Variants in IQCM observed in about 807,000 individuals in gnomAD.
IQCM encodes the protein IQ domain-containing protein M.
IQCM carries 45 observed loss-of-function variants against 57.6 expected under a neutral mutation model. The observed-to-expected ratio is 0.78, with a 90% CI of 0.62 to 1.00. IQCM has a LOEUF of 1.00. IQCM is among the 50% of genes least tolerant of loss of function. The pLI, the probability that IQCM is intolerant of heterozygous loss-of-function variation, is 0.00. For missense variants in IQCM, 468 were observed against 511.6 expected (o/e 0.91, Z 0.82); for synonymous variants, 148 against 158.9 (o/e 0.93, Z 0.51).
At chr4:149,477,672 G>C (rs1278525650) in intron 12 of IQCM, among the ~76,000 whole-genome samples, 1 of 152,180 alleles carries the variant, frequency 6.6e-6, no homozygotes, top group Non-Finnish European at 1.5e-5. Context: ...AGAATGGGTA[G>C]CTAAAGCGGA....
At chr4:149,770,280 C>A (rs1270924810) in intron 2 of IQCM, among the ~76,000 whole-genome samples, 1 of 152,074 alleles carries the variant, frequency 6.6e-6, no homozygotes, top group African/African-American at 2.4e-5. Context: ...AGATAACCTG[C>A]TTATTTTTAA....
At chr4:149,369,007 T>C (rs1453074644) in intron 13 of IQCM, among the ~76,000 whole-genome samples, 3 of 74,406 alleles carry the variant, frequency 4.0e-5, no homozygotes, top group Non-Finnish European at 8.3e-5. Flanking sequence ...TATATATATA[T>C]ACACGTGTAT....
intron 12 of IQCM, among the ~76,000 whole-genome samples, chr4:149,457,975 G>A (rs2149705624): frequency 6.6e-6 from 1 of 151,954 alleles, no homozygotes; most frequent in Non-Finnish European, 1.5e-5. Context: ...GATGCGAGAG[G>A]GGTGATGCTT....
chr4:149,500,095 G>T (rs146783373), intron 12 of IQCM, among the ~76,000 whole-genome samples: 1 of 152,162 alleles, frequency 6.6e-6, no homozygotes, highest in Non-Finnish European at 1.5e-5. Context: ...CTTCTAATTT[G>T]TCCAAATACA....
chr4:149,419,620 A>G (rs1416373001), intron 13 of IQCM, among the ~76,000 whole-genome samples: 1 of 152,144 alleles, frequency 6.6e-6, no homozygotes, highest in African/African-American at 2.4e-5. Context: ...AGCAATTGCA[A>G]CGAAGCCAAA....
chr4:149,356,927 A>G (rs1729038771), intron 13 of IQCM, among the ~76,000 whole-genome samples: 1 of 152,146 alleles, frequency 6.6e-6, no homozygotes, highest in East Asian at 1.9e-4. Context: ...TCATTGAGCC[A>G]TGGTTTATAG....
At chr4:149,379,357 C>A in intron 13 of IQCM, among the ~76,000 whole-genome samples, 1 of 152,152 alleles carries the variant, frequency 6.6e-6, no homozygotes, top group African/African-American at 2.4e-5. Flanking sequence ...AATCCACAGA[C>A]CCTCCATGCC....
chr4:149,402,338 C>T (rs995280471), intron 13 of IQCM, among the ~76,000 whole-genome samples: 1 of 151,156 alleles, frequency 6.6e-6, no homozygotes, highest in African/African-American at 2.4e-5. Context: ...GGCCTAAGGT[C>T]ACAAAATATA....
At chr4:149,415,398 T>G (rs1023990269) in intron 13 of IQCM, among the ~76,000 whole-genome samples, 1 of 152,164 alleles carries the variant, frequency 6.6e-6, no homozygotes, top group Non-Finnish European at 1.5e-5. Flanking sequence ...AAAGAAAGTA[T>G]CTATGTATTG....
intron 2 of IQCM, among the ~76,000 whole-genome samples, chr4:149,775,988 A>T (rs1315827395): frequency 6.6e-6 from 1 of 152,134 alleles, no homozygotes; most frequent in Non-Finnish European, 1.5e-5. Context: ...CATTCACTCT[A>T]GGACACTTTT....
chr4:149,510,540 C>T (rs980150424), intron 12 of IQCM, among the ~76,000 whole-genome samples: 1 of 152,046 alleles, frequency 6.6e-6, no homozygotes, highest in Non-Finnish European at 1.5e-5. Flanking sequence ...CACCTGTTGC[C>T]ATCTTCCATC....
intron 12 of IQCM, among the ~76,000 whole-genome samples, chr4:149,542,152 C>T (rs998503671): frequency 1.3e-5 from 2 of 151,990 alleles, no homozygotes; most frequent in African/African-American, 4.8e-5. Context: ...CTGGATGGAG[C>T]AATATAATTA....
intron 2 of IQCM, among the ~76,000 whole-genome samples, chr4:149,744,945 C>T (rs1335094354): frequency 6.6e-6 from 1 of 152,018 alleles, no homozygotes; most frequent in African/African-American, 2.4e-5. Context: ...GATATAAATC[C>T]GTGAGTACTA....
chr4:149,486,654 G>T (rs1425053757), intron 12 of IQCM, among the ~76,000 whole-genome samples: 1 of 152,196 alleles, frequency 6.6e-6, no homozygotes, highest in Admixed American at 6.5e-5. Flanking sequence ...GCTGAGGCAG[G>T]AGAATCACTT....
intron 9 of IQCM, among the ~76,000 whole-genome samples, chr4:149,579,843 T>A (rs1472578422): frequency 6.6e-6 from 1 of 151,788 alleles, no homozygotes; most frequent in Non-Finnish European, 1.5e-5. Context: ...CTTCATCCTA[T>A]CCCAAGATCA....
At chr4:149,475,478 G>T (rs937965764) in intron 12 of IQCM, among the ~76,000 whole-genome samples, 1 of 152,168 alleles carries the variant, frequency 6.6e-6, no homozygotes, top group Non-Finnish European at 1.5e-5. Context: ...GGTGTTGAGA[G>T]ACTCTGGGCT....
At chr4:149,415,717 T>C (rs1733700878) in intron 13 of IQCM, among the ~76,000 whole-genome samples, 1 of 152,114 alleles carries the variant, frequency 6.6e-6, no homozygotes, top group African/African-American at 2.4e-5. Context: ...TGTAATATTA[T>C]AGGTAAAGTA....
At chr4:149,493,507 C>T (rs905153381) in intron 12 of IQCM, among the ~76,000 whole-genome samples, 5 of 152,006 alleles carry the variant, frequency 3.3e-5, no homozygotes, top group Non-Finnish European at 5.9e-5. Context: ...TGCTTGTTAG[C>T]ATATATTATC....
Position 149,610,687 on chromosome 4 carries a change from C to T in IQCM, c.681+10442G>A, listed in dbSNP as rs185803009. ...CCATAGGCAGAAGAATGAAACTAGA[C>T]CCCTATATCTCACCTTACACAAAAC... On this transcript the variant is annotated intron_variant, in intron 8 of 13. Coordinates refer to ENST00000636793, the MANE Select transcript of IQCM (RefSeq NM_001363507.2). 3.0e-4 allele frequency among the ~76,000 whole-genome samples: 46 copies of T among 152,022 alleles called. 1 individual carries two copies. The highest frequency in any genetic ancestry group is 2.6e-3 in the Admixed American group (39 of 15,244).
Sources: gnomAD v4.1 joint callset for allele counts (sites outside exome capture counted in the v4.1 genomes callset) on GRCh38, gnomAD v4.1.1 for gene constraint, MANE v1.5 for transcripts, NCBI Gene and HGNC (gene_info 2026-07-23, HGNC 2026-07-21) for gene names.